Variants in TENM1 observed in about 807,000 individuals in gnomAD.
The protein encoded by TENM1 is teneurin-1.
TENM1 carries 35 observed loss-of-function variants against 174.8 expected under a neutral mutation model. The ratio of observed to expected loss-of-function variants is 0.20; its 90% CI spans 0.15 to 0.27. The LOEUF (loss-of-function observed/expected upper bound fraction) is 0.27. Ranked by LOEUF, TENM1 falls within the 10% of genes least tolerant of loss-of-function variation. The pLI, the probability that TENM1 is intolerant of heterozygous loss-of-function variation, is 1.00. For synonymous variants in TENM1, 781 were observed against 798.7 expected (o/e 0.98, Z 0.37); for missense variants, 1,633 against 2,130.1 (o/e 0.77, Z 4.59).
chrX:125,112,134 TTGTGTGTGTGTGTGTGTGTG>T, the TENM1 span, among the ~76,000 whole-genome samples: 1 of 92,688 alleles, frequency 1.1e-5, no homozygotes, highest in Non-Finnish European at 2.2e-5. Flanking sequence ...TTTAATGAAA[TTGTGTGTGTGTGTGTGTGTG>T]TGTGTGTGTG....
chrX:124,732,647 T>C (rs1279309735), intron 4 of TENM1, among the ~76,000 whole-genome samples: 1 of 111,841 alleles, frequency 8.9e-6, no homozygotes, highest in Admixed American at 9.5e-5. Context: ...AAGATAATAA[T>C]GCAGTTAGCA....
intron 20 of TENM1, 124 bp from the exon 24 acceptor site, chrX:124,487,353 A>C: frequency 1.7e-6 from 1 of 581,863 alleles, no homozygotes. Flanking sequence ...ATTTAGAGAG[A>C]CTCTATGGGG....
intron 23 of TENM1, among the ~76,000 whole-genome samples, chrX:124,436,285 C>T (rs962742256): frequency 6.3e-5 from 7 of 110,667 alleles, no homozygotes; most frequent in African/African-American, 1.3e-4. Flanking sequence ...TAGGTCCTGA[C>T]GATACAGAAA....
chrX:124,660,053 G>A (rs2051553961), intron 6 of TENM1, among the ~76,000 whole-genome samples: 2 of 111,489 alleles, frequency 1.8e-5, no homozygotes, highest in African/African-American at 6.5e-5. Context: ...ATAAATCTTT[G>A]TCACCTTGGA....
At chrX:125,078,898 T>A in the TENM1 span, among the ~76,000 whole-genome samples, 2 of 111,609 alleles carry the variant, frequency 1.8e-5, no homozygotes, top group African/African-American at 6.5e-5. Flanking sequence ...CAGTTTTGGC[T>A]GCTTTATGCA....
the TENM1 span, among the ~76,000 whole-genome samples, chrX:125,188,275 G>GTGAGGCTGCAGTGAGCTGTGAGGT: frequency 1.8e-5 from 2 of 108,600 alleles, no homozygotes; most frequent in African/African-American, 7.1e-5. Flanking sequence ...TGAGGCTGCA[G>GTGAGGCTGCAGTGAGCTGTGAGGT]TGAGGCTGCA....
chrX:124,915,980 G>T, intron 1 of TENM1, among the ~76,000 whole-genome samples: 1 of 111,750 alleles, frequency 8.9e-6, no homozygotes. Flanking sequence ...TTTTAGCCTG[G>T]TGCTTCCAAA....
intron 1 of TENM1, among the ~76,000 whole-genome samples, chrX:124,896,758 T>C (rs1036956271): frequency 1.8e-5 from 2 of 112,225 alleles, no homozygotes; most frequent in African/African-American, 3.2e-5. Flanking sequence ...CTAAAACATG[T>C]TAATTTAAAC....
At chrX:124,869,372 T>C (rs1394368504) in intron 3 of TENM1, among the ~76,000 whole-genome samples, 1 of 112,053 alleles carries the variant, frequency 8.9e-6, no homozygotes, top group Non-Finnish European at 1.9e-5. Flanking sequence ...GCACAACCAC[T>C]ATGGAGAACA....
intron 27 of TENM1, among the ~76,000 whole-genome samples, chrX:124,393,615 T>C (rs1284689174): frequency 8.9e-6 from 1 of 111,842 alleles, no homozygotes; most frequent in Non-Finnish European, 1.9e-5. Flanking sequence ...TTTTAGTGGG[T>C]TTTATGTTTT....
the TENM1 span, among the ~76,000 whole-genome samples, chrX:125,198,901 T>C: frequency 2.2e-4 from 24 of 110,400 alleles, no homozygotes; most frequent in Non-Finnish European, 3.2e-4. Flanking sequence ...GAGTAGGGTG[T>C]AGAATTGAAT....
intron 3 of TENM1, among the ~76,000 whole-genome samples, chrX:124,818,296 A>G (rs909806427): frequency 1.8e-5 from 2 of 111,759 alleles, no homozygotes; most frequent in African/African-American, 6.5e-5. Context: ...TCATGTAACA[A>G]AAGTTTACTA....
chrX:124,518,572 GA>G (rs998630166), intron 18 of TENM1, among the ~76,000 whole-genome samples: 1 of 111,133 alleles, frequency 9.0e-6, no homozygotes, highest in Non-Finnish European at 1.9e-5. Flanking sequence ...ACAACAAAAT[GA>G]AAAAAAGCAA....
chrX:125,183,545 T>C, the TENM1 span, among the ~76,000 whole-genome samples: 8 of 111,991 alleles, frequency 7.1e-5, no homozygotes, highest in Non-Finnish European at 1.3e-4. Flanking sequence ...AGAGAGATGC[T>C]TGACCTCGAA....
intron 3 of TENM1, among the ~76,000 whole-genome samples, chrX:124,756,940 G>C (rs1481425992): frequency 8.9e-6 from 1 of 112,009 alleles, no homozygotes; most frequent in Non-Finnish European, 1.9e-5. Context: ...GGGGGTCAGG[G>C]GTCAGGGACC....
chrX:124,715,970 T>C (rs1169421341), intron 4 of TENM1, among the ~76,000 whole-genome samples: 1 of 112,250 alleles, frequency 8.9e-6, no homozygotes, highest in African/African-American at 3.2e-5. Context: ...AGTTTCTCAC[T>C]AAACACTTCA....
At chrX:124,657,966 G>A (rs1305703047) in intron 6 of TENM1, among the ~76,000 whole-genome samples, 1 of 112,142 alleles carries the variant, frequency 8.9e-6, no homozygotes, top group East Asian at 2.8e-4. Context: ...ATTAGACCTA[G>A]TGTGTGTCTC....
chrX:125,146,445 C>A, the TENM1 span, among the ~76,000 whole-genome samples: 1 of 111,476 alleles, frequency 9.0e-6, no homozygotes, highest in Non-Finnish European at 1.9e-5. Context: ...TCTATTATAG[C>A]ATGTATTATG....
chrX:124,717,183 T>C (rs780576172), intron 4 of TENM1, among the ~76,000 whole-genome samples: 17 of 111,604 alleles, frequency 1.5e-4, no homozygotes, highest in African/African-American at 4.9e-4. Flanking sequence ...AGATCTCTTC[T>C]ACTGGTAACA....
Sources: allele counts gnomAD v4.1 joint callset (sites outside exome capture counted in the v4.1 genomes callset), GRCh38; gene constraint gnomAD v4.1.1; transcripts MANE v1.5; gene names NCBI Gene and HGNC (gene_info 2026-07-23, HGNC 2026-07-21).